The following KYAT1 variants were observed in gnomAD, a reference collection of about 807,000 sequenced individuals.
The protein encoded by KYAT1 is kynurenine--oxoglutarate transaminase 1.
In KYAT1, 47 loss-of-function variants were observed where a neutral mutation model predicts 52.4. The ratio of observed to expected loss-of-function variants is 0.90; its 90% CI spans 0.71 to 1.14. KYAT1 has a LOEUF of 1.14. KYAT1 is among the 50% of genes most tolerant of loss of function. The pLI is 0.00. For missense variants in KYAT1, 480 were observed against 557.9 expected (o/e 0.86, Z 1.41); for synonymous variants, 212 against 209.6 (o/e 1.01, Z -0.10).
chr9:128,847,379 C>A (rs886754932), intron 1 of KYAT1: 1 of 1,252,514 alleles, frequency 8.0e-7, no homozygotes, highest in Non-Finnish European at 1.1e-6. Flanking sequence ...ACGAGCCAGA[C>A]CCCAGAAGCC....
intron 9 of KYAT1, 26 bp downstream of exon 9, chr9:128,835,753 C>A: frequency 6.2e-7 from 1 of 1,607,242 alleles, no homozygotes; most frequent in Non-Finnish European, 8.5e-7. Context: ...CCCCCCACTC[C>A]CCCGTGACGT....
chr9:128,843,570 G>A (rs970673726), intron 2 of KYAT1, among the ~76,000 whole-genome samples: 1 of 151,998 alleles, frequency 6.6e-6, no homozygotes, highest in Non-Finnish European at 1.5e-5. Flanking sequence ...GTACAGATGG[G>A]GTTTTGCTAT....
intron 1 of KYAT1, among the ~76,000 whole-genome samples, chr9:128,854,930 T>C (rs1834414670): frequency 6.6e-6 from 1 of 152,196 alleles, no homozygotes; most frequent in African/African-American, 2.4e-5. Context: ...CAAAATTGGT[T>C]GGTAGAAGTA....
chr9:128,843,438 G>A (rs1832564468), intron 2 of KYAT1, among the ~76,000 whole-genome samples: 3 of 151,326 alleles, frequency 2.0e-5, no homozygotes, highest in South Asian at 2.1e-4. Context: ...GAGTGCAGTG[G>A]TGCAATCTCA....
At chr9:128,854,949 C>T (rs1390143034) in intron 1 of KYAT1, among the ~76,000 whole-genome samples, 1 of 152,168 alleles carries the variant, frequency 6.6e-6, no homozygotes, top group East Asian at 1.9e-4. Context: ...TATCTACTGT[C>T]AGTGCCACCA....
intron 1 of KYAT1, among the ~76,000 whole-genome samples, chr9:128,857,348 T>TG (rs1834797324): frequency 6.6e-6 from 1 of 152,218 alleles, no homozygotes; most frequent in Admixed American, 6.5e-5. Context: ...GCCAGTCTCC[T>TG]GGGCCCACTG....
intron 1 of KYAT1, among the ~76,000 whole-genome samples, chr9:128,867,253 C>A (rs1458252896): frequency 1.3e-5 from 2 of 152,178 alleles, no homozygotes; most frequent in Non-Finnish European, 2.9e-5. Flanking sequence ...AATTATGGCT[C>A]ATTGCAGCTT....
intron 11 of KYAT1, 65 bp from the exon 12 acceptor site, chr9:128,833,891 G>C (rs1830540453): frequency 7.6e-7 from 1 of 1,307,642 alleles, no homozygotes; most frequent in African/African-American, 1.5e-5. Flanking sequence ...GCTCCGGAGG[G>C]GACAGAGAGG....
At chr9:128,837,958 T>C (rs1831425099) in intron 5 of KYAT1, 93 bp downstream of exon 5, 2 of 1,510,922 alleles carry the variant, frequency 1.3e-6, no homozygotes, top group Middle Eastern at 1.8e-4. Context: ...ACTGGCTTCC[T>C]TCACTTCTTT....
chr9:128,870,122 C>T (rs1333794309), intron 1 of KYAT1, among the ~76,000 whole-genome samples: 1 of 152,116 alleles, frequency 6.6e-6, no homozygotes, highest in Non-Finnish European at 1.5e-5. Flanking sequence ...AGCAATTTCA[C>T]TCCTAGGTAT....
intron 1 of KYAT1, among the ~76,000 whole-genome samples, chr9:128,853,101 C>T (rs1337850462): frequency 6.6e-6 from 1 of 152,184 alleles, no homozygotes; most frequent in East Asian, 1.9e-4. Flanking sequence ...GGCAAGACTA[C>T]ATATAGTAAA....
intron 11 of KYAT1, chr9:128,835,120 G>A (rs1317604059): frequency 7.0e-6 from 4 of 574,742 alleles, no homozygotes; most frequent in Non-Finnish European, 1.2e-5. Context: ...CTGGGCAAGA[G>A]TGAGACTCCA....
At chr9:128,864,754 G>A (rs962212827) in intron 1 of KYAT1, among the ~76,000 whole-genome samples, 9 of 151,898 alleles carry the variant, frequency 5.9e-5, no homozygotes, top group African/African-American at 2.2e-4. Context: ...GACTACAGTT[G>A]TGCACCACCA....
chr9:128,842,509 G>T, intron 3 of KYAT1, 145 bp downstream of exon 3: 1 of 811,232 alleles, frequency 1.2e-6, no homozygotes, highest in Non-Finnish European at 1.9e-6. Context: ...CTGGGACAGA[G>T]GATACGCTCA....
At chr9:128,846,694 C>T (rs1833156793) in intron 1 of KYAT1, 2 of 1,532,202 alleles carry the variant, frequency 1.3e-6, no homozygotes, top group Non-Finnish European at 1.7e-6. Flanking sequence ...GCTGGGTGAC[C>T]CTGGATAGGT....
intron 1 of KYAT1, among the ~76,000 whole-genome samples, chr9:128,876,527 C>T (rs1308332792): frequency 6.6e-6 from 1 of 151,242 alleles, no homozygotes; most frequent in East Asian, 1.9e-4. Context: ...ACGCCACTCT[C>T]CTGCCTCAGC....
chr9:128,840,938 T>C (rs1832048943), intron 3 of KYAT1, among the ~76,000 whole-genome samples: 2 of 152,254 alleles, frequency 1.3e-5, no homozygotes, highest in Admixed American at 6.5e-5. Flanking sequence ...GAAATACATA[T>C]GTATACAAAG....
chr9:128,867,753 T>A (rs957582813), intron 1 of KYAT1, among the ~76,000 whole-genome samples: 1 of 152,114 alleles, frequency 6.6e-6, no homozygotes, highest in African/African-American at 2.4e-5. Flanking sequence ...CAGGTTGATT[T>A]CAAAACTTAT....
At position 128,861,757 on chromosome 9, in the gene KYAT1, A is replaced by G. The variant is rs573316755; in HGVS notation, c.-6-16346T>C. Among the ~76,000 whole-genome samples the G allele has an allele frequency of 2.6e-5, 4 of 152,286 alleles. No individual in the cohort carries two copies. The East Asian group carries it at 5.8e-4, about 22-fold the overall frequency. On this transcript the variant is annotated intron_variant, in intron 1 of 12. Transcript: ENST00000302586. The stretch of plus-strand genomic sequence containing the variant: ...GTGCTTTAGCTCAGGTAACTCAGCT[A>G]AACGGATGAGCGGCCCAAGGGCAGG...
Sources: allele counts gnomAD v4.1 joint callset (sites outside exome capture counted in the v4.1 genomes callset), GRCh38; gene constraint gnomAD v4.1.1; transcripts MANE v1.5; gene names NCBI Gene and HGNC (gene_info 2026-07-23, HGNC 2026-07-21).